Variants in USH2A observed in about 807,000 individuals in gnomAD.
The protein encoded by USH2A is Usher syndrome 2A (autosomal recessive, mild).
USH2A carries 443 observed loss-of-function variants against 538.9 expected under a neutral mutation model. That is an observed-to-expected ratio of 0.82 (90% CI 0.76 to 0.89). USH2A has a LOEUF of 0.89. USH2A is among the 40% of genes least tolerant of loss of function. The pLI, the probability that USH2A is intolerant of heterozygous loss-of-function variation, is 0.00. For missense variants in USH2A, 6,633 were observed against 6,324.8 expected (o/e 1.05, Z -1.65); for synonymous variants, 2,413 against 2,273.5 (o/e 1.06, Z -1.75).
At chr1:216,046,021 G>A (rs2030505291) in intron 32 of USH2A, among the ~76,000 whole-genome samples, 1 of 150,492 alleles carries the variant, frequency 6.6e-6, no homozygotes, top group African/African-American at 2.4e-5. Flanking sequence ...GTGTGTGTGT[G>A]TGTGTGTGTG....
At chr1:215,730,981 T>C (rs1659978510) in intron 60 of USH2A, among the ~76,000 whole-genome samples, 1 of 152,208 alleles carries the variant, frequency 6.6e-6, no homozygotes, top group Admixed American at 6.5e-5. Flanking sequence ...TAAAAAGTTG[T>C]TTGCTAGGAA....
At chr1:215,721,542 A>G (rs927068984) in intron 61 of USH2A, among the ~76,000 whole-genome samples, 2 of 152,150 alleles carry the variant, frequency 1.3e-5, no homozygotes, top group African/African-American at 4.8e-5. Flanking sequence ...TTGGAGAAAA[A>G]TATGGCTCTT....
Position 215,838,035 on chromosome 1 carries a change from AG to A in USH2A, c.9326del (p.Thr3109IlefsTer51). 6.2e-7 allele frequency: 1 copy of A among 1,614,002 alleles called. No homozygotes were observed. The highest frequency in any genetic ancestry group is 8.5e-7 in the Non-Finnish European group (1 of 1,179,934). On this transcript the variant is annotated frameshift_variant, in exon 47 of 72. Transcript: ENST00000307340. LOFTEE classifies it high-confidence loss of function. ...NGTQITTVEDTPSDIPTPTIR... is the reference protein window; with the variant it reads ...NGTQITTVEDXPSDIPTPTIR... ...TTGTGGGTGTTGGTATATCACTTGG[AG>A]TGTCTTCCACAGTGGTAATTTGGGT...
chr1:215,961,453 T>C (rs1284062790), intron 37 of USH2A, among the ~76,000 whole-genome samples: 1 of 151,660 alleles, frequency 6.6e-6, no homozygotes, highest in Non-Finnish European at 1.5e-5. Context: ...AAGATATTAA[T>C]TCTACCTAAG....
At chr1:215,944,099 T>A (rs550598045) in intron 37 of USH2A, among the ~76,000 whole-genome samples, 2 of 152,300 alleles carry the variant, frequency 1.3e-5, no homozygotes, top group Admixed American at 1.3e-4. Flanking sequence ...AAATTGCATT[T>A]TAATGTATAA....
intron 43 of USH2A, among the ~76,000 whole-genome samples, chr1:215,868,907 G>T (rs1333559674): frequency 6.6e-6 from 1 of 152,188 alleles, no homozygotes; most frequent in Non-Finnish European, 1.5e-5. Context: ...ATACAAACTG[G>T]TTTGCAACTT....
intron 11 of USH2A, among the ~76,000 whole-genome samples, chr1:216,274,913 G>A (rs2036642473): frequency 6.6e-6 from 1 of 152,038 alleles, no homozygotes. Context: ...TAAGGAGTGT[G>A]CAAAAAGGTA....
chr1:216,300,990 T>A (rs1301642984), intron 9 of USH2A, among the ~76,000 whole-genome samples: 2 of 152,014 alleles, frequency 1.3e-5, no homozygotes, highest in African/African-American at 4.8e-5. Flanking sequence ...CTTCAAGTGA[T>A]CCGCCCACCT....
chr1:215,623,317 G>T lies in USH2A; in HGVS notation c.*2464C>A, dbSNP rs1655870088. On this transcript the variant is annotated 3_prime_UTR_variant, in exon 72 of 72. Transcript: ENST00000307340. ...TGCTCATTGTTTATAAGGGAGAAGG[G>T]GTGAGCCAAGGAGCATAGTCCCTGT... is the stretch of plus-strand genomic sequence containing the variant. The T allele has an allele frequency of 6.6e-6, 1 of 152,052 alleles. No homozygotes were observed. The highest frequency in any genetic ancestry group is 1.5e-5 in the Non-Finnish European group (1 of 67,982). 9.4% of individuals were successfully genotyped at this position (152,052 alleles called of 1,614,324 possible). A position where few individuals can be genotyped will look rare whatever the true frequency, so the allele number is the denominator to read the frequency against.
chr1:215,843,146 G>A (rs1357011875), intron 46 of USH2A, among the ~76,000 whole-genome samples: 3 of 152,110 alleles, frequency 2.0e-5, no homozygotes, highest in African/African-American at 7.2e-5. Flanking sequence ...GTCAGGAAAA[G>A]GAGATGGAAA....
chr1:216,013,051 T>C (rs934843093), intron 32 of USH2A, among the ~76,000 whole-genome samples: 7 of 152,196 alleles, frequency 4.6e-5, no homozygotes, highest in African/African-American at 1.7e-4. Context: ...TCTTAACTCT[T>C]GAAGTAAATA....
intron 30 of USH2A, among the ~76,000 whole-genome samples, chr1:216,058,714 T>C (rs1447417696): frequency 2.0e-5 from 3 of 152,164 alleles, no homozygotes; most frequent in South Asian, 2.1e-4. Flanking sequence ...GAACTGTTGA[T>C]AAAAGACTGA....
intron 47 of USH2A, among the ~76,000 whole-genome samples, chr1:215,821,722 C>T (rs1663022133): frequency 6.6e-6 from 1 of 151,730 alleles, no homozygotes; most frequent in African/African-American, 2.4e-5. Flanking sequence ...ATGCTTTCTT[C>T]TATTGGTTTT....
rs781608408 is a variant in USH2A at position 216,250,994 on chromosome 1, A to T, written c.2076T>A (p.Ser692Arg). The T allele has an allele frequency of 6.2e-7, 1 of 1,614,060 alleles. No homozygotes were observed. The highest frequency in any genetic ancestry group is 1.3e-5 in the African/African-American group (1 of 75,044). ...TCCCAGAGGTATTGCAGTTACAGGG[A>T]CTGCAGCCATCAGGATCCAACTCTT... ...NLQELDPDGC[S>R]PCNCNTSGTV... Residue 692 changes from serine (S) to arginine (R), a missense_variant, in exon 12 of 72, where the codon AGT becomes AGA. Coordinates refer to ENST00000307340, the MANE Select transcript of USH2A (RefSeq NM_206933.4).
chr1:216,406,930 G>A (rs759207588), intron 3 of USH2A, among the ~76,000 whole-genome samples: 1 of 152,124 alleles, frequency 6.6e-6, no homozygotes, highest in African/African-American at 2.4e-5. Context: ...CATCCATAAT[G>A]TAAACTTTCT....
chr1:215,782,781 T>C lies in USH2A; in HGVS notation c.10542A>G (p.Glu3514=), dbSNP rs1661678982. 6.2e-7 allele frequency: 1 copy of C among 1,613,908 alleles called. No individual in the cohort carries two copies. Among genetic ancestry groups the C allele is most frequent in the Admixed American group, 1.7e-5 (1 of 59,988 alleles). ...TTCTCCAGTTTAAGACAATTGTATC[T>C]TCAAGATTGTCTATTTTGGTCCACG... is the stretch of plus-strand genomic sequence containing the variant. ...PPTWTKIDNL[E]DTIVLNWRKP... Residue 3514 remains glutamate, a synonymous_variant, in exon 53 of 72, where the codon GAA becomes GAG. Coordinates refer to ENST00000307340, the MANE Select transcript of USH2A (RefSeq NM_206933.4).
chr1:215,715,836 T>C (rs1048579288), intron 61 of USH2A, among the ~76,000 whole-genome samples: 3 of 152,248 alleles, frequency 2.0e-5, no homozygotes, highest in African/African-American at 7.2e-5. Context: ...GGTTAAACTG[T>C]AATTTACACC....
intron 47 of USH2A, among the ~76,000 whole-genome samples, chr1:215,819,369 G>A (rs769355338): frequency 2.0e-4 from 30 of 150,988 alleles, no homozygotes; most frequent in Non-Finnish European, 3.6e-4. Flanking sequence ...GTTAAAAAGC[G>A]GCAGTCAAGA....
chr1:215,631,907 G>C (rs1319720639), intron 70 of USH2A, among the ~76,000 whole-genome samples: 1 of 152,174 alleles, frequency 6.6e-6, no homozygotes, highest in Non-Finnish European at 1.5e-5. Flanking sequence ...TAGCCTGTGT[G>C]GTGTCAGGAC....
Sources: allele counts gnomAD v4.1 joint callset (sites outside exome capture counted in the v4.1 genomes callset), GRCh38; gene constraint gnomAD v4.1.1; transcripts MANE v1.5; gene names NCBI Gene and HGNC (gene_info 2026-07-23, HGNC 2026-07-21).